Variants in EDARADD observed in about 807,000 individuals in gnomAD.
EDARADD encodes EDAR associated via death domain, also known as ectodysplasin-A receptor-associated adapter protein.
EDARADD carries 20 observed loss-of-function variants against 25.6 expected under a neutral mutation model. That is an observed-to-expected ratio of 0.78 (90% CI 0.55 to 1.14). The LOEUF (loss-of-function observed/expected upper bound fraction) is 1.14. EDARADD is among the 50% of genes most tolerant of loss of function. The pLI is 0.00. For synonymous variants in EDARADD, 86 were observed against 94.4 expected (o/e 0.91, Z 0.52); for missense variants, 225 against 270.1 (o/e 0.83, Z 1.17).
At chr1:236,429,934 C>G (rs559274834) in intron 4 of EDARADD, among the ~76,000 whole-genome samples, 7 of 152,302 alleles carry the variant, frequency 4.6e-5, no homozygotes, top group African/African-American at 1.7e-4. Context: ...TGATTCAATT[C>G]TGCTCCTTCT....
At chr1:236,406,857 T>G (rs959705474) in intron 1 of EDARADD, among the ~76,000 whole-genome samples, 3 of 152,224 alleles carry the variant, frequency 2.0e-5, no homozygotes, top group African/African-American at 7.2e-5. Flanking sequence ...GGGTGTCCCC[T>G]GGTTGTCCTG....
intron 3 of EDARADD, among the ~76,000 whole-genome samples, chr1:236,375,335 T>G (rs975872300): frequency 1.3e-5 from 2 of 152,170 alleles, no homozygotes; most frequent in African/African-American, 4.8e-5. Flanking sequence ...TTGAACAAAC[T>G]GTTATTGTTA....
chr1:236,384,089 C>T (rs1181867515), intron 3 of EDARADD, among the ~76,000 whole-genome samples: 1 of 152,142 alleles, frequency 6.6e-6, no homozygotes, highest in Non-Finnish European at 1.5e-5. Context: ...TGTGTTGTAT[C>T]ATATTTACCC....
chr1:236,420,926 GT>G lies in EDARADD; in HGVS notation c.161-6463del, dbSNP rs1250390111. Among the ~76,000 whole-genome samples, 18 of 147,368 alleles carry G rather than the reference GT, an allele frequency of 1.2e-4. 3 individuals carry two copies. The Middle Eastern group carries it at 0.011, about 87-fold the overall frequency. ...TTTTTGTATTTCTAGTAGAGATGTG[GT>G]TTCACCATGTTGGCCAGGCTGGTCT... On this transcript the variant is annotated intron_variant, in intron 3 of 5. Transcript: ENST00000334232.
intron 3 of EDARADD, among the ~76,000 whole-genome samples, chr1:236,424,321 C>T (rs961392629): frequency 1.3e-5 from 2 of 151,568 alleles, no homozygotes; most frequent in African/African-American, 2.4e-5. Context: ...GACACCATGC[C>T]CAGCTAATTT....
chr1:236,422,241 C>T (rs1435876391), intron 3 of EDARADD, among the ~76,000 whole-genome samples: 1 of 152,116 alleles, frequency 6.6e-6, no homozygotes, highest in South Asian at 2.1e-4. Context: ...AAGAGCCTGG[C>T]GTTGTATGTT....
rs941438724 is a variant in EDARADD, at chr1:236,388,882, T to C, written c.-5-20334T>C. Among the ~76,000 whole-genome samples the C allele has an allele frequency of 2.0e-5, 3 of 152,248 alleles. No individual in the cohort carries two copies. In the East Asian group the frequency reaches 5.8e-4, roughly 29 times the overall value. The stretch of plus-strand genomic sequence containing the variant: ...TTTGTAGATTCCTGAGTTACCAGTC[T>C]GAGCCTGTGTTCTCCATTCTGGGAG... On this transcript the variant is annotated intron_variant, in intron 3 of 7. Transcript: ENST00000439430.
At chr1:236,352,896 G>A (rs1456537124) in intron 3 of EDARADD, among the ~76,000 whole-genome samples, 1 of 152,078 alleles carries the variant, frequency 6.6e-6, no homozygotes, top group Non-Finnish European at 1.5e-5. Context: ...TGTAGTGCCA[G>A]CTACTCGGGA....
chr1:236,395,535 C>G lies in EDARADD; in HGVS notation c.61+1030C>G, dbSNP rs1667499582. The G allele has an allele frequency of 1.3e-6, 2 of 1,537,110 alleles. No individual in the cohort carries two copies. Among genetic ancestry groups the G allele is most frequent in the African/African-American group, 1.4e-5 (1 of 72,926 alleles). ...CGGTTTGCTCCAGGCGCGTCGGAAC[C>G]GCAGGACTTTTCATCCCCGTGGTCC... On this transcript the variant is annotated intron_variant, in intron 1 of 5. Transcript: ENST00000334232. The surrounding 1 kb of genome is among the most constrained non-coding windows in gnomAD (Gnocchi z 6.9).
rs763626415 is a variant in EDARADD at position 236,482,602 on chromosome 1, G to A, written c.601G>A (p.Glu201Lys). The A allele has an allele frequency of 8.7e-6, 14 of 1,612,642 alleles. No individual in the cohort carries two copies. Among genetic ancestry groups the A allele is most frequent in the East Asian group, 2.2e-5 (1 of 44,880 alleles). The change falls in exon 6 of 6, where the codon GAG (glutamate) becomes AAG (lysine). Residue 201 changes from glutamate (E) to lysine (K), a missense_variant. By Grantham distance (56) the Glu-to-Lys change is moderately conservative. Transcript: ENST00000334232. ...VEKVLRRWVD[E>K]EWPKRERGDP... is the part of the protein sequence containing the mutation. ...GAAGGTTCTGCGCAGGTGGGTGGAC[G>A]AGGAGTGGCCCAAGCGGGAGCGTGG...
chr1:236,483,517 C>T lies in EDARADD; in HGVS notation c.*868C>T, dbSNP rs878885939. 2.9e-6 allele frequency: 3 copies of T among 1,039,152 alleles called. No homozygotes were observed. The highest frequency in any genetic ancestry group is 1.3e-5 in the South Asian group (1 of 79,204). The allele number at this position is 1,039,152 out of a possible 1,614,324, so 64.4% of individuals were successfully genotyped here. A position where few individuals can be genotyped will look rare whatever the true frequency, so the allele number is the denominator to read the frequency against. On this transcript the variant is annotated 3_prime_UTR_variant, in exon 6 of 6. Coordinates refer to ENST00000334232, the MANE Select transcript of EDARADD (RefSeq NM_145861.4). ...GCCATTCTGGGAGTGTCCCTCGCTGCCTGCAAAGCTAGTGCTGTTGAGAAG... is the reference window on the plus strand; with the variant it reads ...GCCATTCTGGGAGTGTCCCTCGCTGTCTGCAAAGCTAGTGCTGTTGAGAAG...
chr1:236,409,269 A>G lies in EDARADD; in HGVS notation c.115A>G (p.Asn39Asp), dbSNP rs759461234. Reference protein sequence around the residue: ...EDTDPSTLSFNMSDKYPIQDT... With the variant: ...EDTDPSTLSFDMSDKYPIQDT... ...CACAGACCCTAGCACTTTATCCTTTAATATGGTAGGTGACAAATTTTACAC... is the reference window on the plus strand; with the variant it reads ...CACAGACCCTAGCACTTTATCCTTTGATATGGTAGGTGACAAATTTTACAC... The change falls in exon 2 of 6, where the codon AAT becomes GAT. Residue 39 changes from asparagine to aspartate, a missense_variant. Transcript: ENST00000334232. 16 of 1,611,808 alleles carry G rather than the reference A, an allele frequency of 9.9e-6. No homozygotes were observed. The East Asian group carries it at 3.3e-4, about 34-fold the overall frequency.
chr1:236,461,603 A>G (rs1051075206), intron 4 of EDARADD, among the ~76,000 whole-genome samples: 3 of 152,212 alleles, frequency 2.0e-5, no homozygotes, highest in African/African-American at 7.2e-5. Flanking sequence ...TAGTTAAGTA[A>G]TTGAGCTAAA....
chr1:236,475,883 T>G (rs984425350), intron 5 of EDARADD, among the ~76,000 whole-genome samples: 4 of 152,148 alleles, frequency 2.6e-5, no homozygotes, highest in Admixed American at 2.0e-4. Flanking sequence ...GAGCTTTTCA[T>G]AAACTCAGTT....
chr1:236,405,023 G>A (rs1667681151), intron 1 of EDARADD, among the ~76,000 whole-genome samples: 1 of 152,064 alleles, frequency 6.6e-6, no homozygotes, highest in Non-Finnish European at 1.5e-5. Flanking sequence ...GAACTCAGGA[G>A]GCGGAGATTG....
chr1:236,430,070 T>TA (rs1297633924), intron 4 of EDARADD, among the ~76,000 whole-genome samples: 4 of 152,216 alleles, frequency 2.6e-5, no homozygotes, highest in Non-Finnish European at 5.9e-5. Context: ...AAAGAGAAGT[T>TA]ACACAATAGT....
chr1:236,374,598 A>G (rs972826648), intron 3 of EDARADD, among the ~76,000 whole-genome samples: 1 of 152,102 alleles, frequency 6.6e-6, no homozygotes, highest in African/African-American at 2.4e-5. Context: ...TGTTAGGTGC[A>G]TACACATTAA....
chr1:236,413,163 C>G (rs935414781), intron 2 of EDARADD, among the ~76,000 whole-genome samples: 10 of 152,252 alleles, frequency 6.6e-5, no homozygotes, highest in African/African-American at 2.2e-4. Context: ...CGCACCCAGC[C>G]TCTTTTTGAA....
At chr1:236,480,096 C>CACATAT (rs1659626762) in intron 5 of EDARADD, among the ~76,000 whole-genome samples, 1 of 77,834 alleles carries the variant, frequency 1.3e-5, no homozygotes, top group East Asian at 6.1e-4. Context: ...TTAAGTATGC[C>CACATAT]ATATATATAT....
Sources: allele counts gnomAD v4.1 joint callset (sites outside exome capture counted in the v4.1 genomes callset), GRCh38; gene constraint gnomAD v4.1.1; non-coding constraint Gnocchi (gnomAD v3.1); transcripts MANE v1.5; gene names NCBI Gene and HGNC (gene_info 2026-07-23, HGNC 2026-07-21).